GRIP1: variants seen among roughly 807,000 people sequenced by gnomAD.
The protein encoded by GRIP1 is glutamate receptor-interacting protein 1.
In GRIP1, 45 loss-of-function variants were observed where a neutral mutation model predicts 129.9. The observed-to-expected ratio is 0.35, with a 90% confidence interval of 0.27 to 0.44. The LOEUF (loss-of-function observed/expected upper bound fraction) is 0.44, where lower values mean the gene tolerates loss of function less well. Among genes scored for constraint, GRIP1 ranks in the 20% least tolerant of loss-of-function variants. GRIP1 has a pLI of 1.00. For synonymous variants in GRIP1, 530 were observed against 520.8 expected, an observed-to-expected ratio of 1.02 and a Z score of -0.24; for missense variants, 1,196 against 1,396.8, an observed-to-expected ratio of 0.86 and a Z score of 2.29.
intron 2 of GRIP1, among the ~76,000 whole-genome samples, chr12:66,549,274 T>G (rs2062047747): frequency 6.6e-6 from 1 of 152,074 alleles, no homozygotes; most frequent in Non-Finnish European, 1.5e-5. Flanking sequence ...CAAACAGAAT[T>G]ATTGCTGGAC....
rs146203310 is a variant in GRIP1, at chr12:66,834,295, G to A, written c.58+234755C>T. 8.0e-4 allele frequency among the ~76,000 whole-genome samples: 122 copies of A among 151,680 alleles called. 1 individual carries two copies. Among genetic ancestry groups the A allele is most frequent in the African/African-American group, 2.8e-3 (115 of 41,330 alleles). ...AGGCTTTGAGACATTACCTTCCCACGTGTTACACAGTTACTGAGTGGCAAA... is the reference window on the plus strand; with the variant it reads ...AGGCTTTGAGACATTACCTTCCCACATGTTACACAGTTACTGAGTGGCAAA... On this transcript the variant is annotated intron_variant, in intron 1 of 1. Transcript: ENST00000643019.
chr12:66,900,681 G>T (rs924822), intron 1 of GRIP1, among the ~76,000 whole-genome samples: 10,107 of 152,260 alleles, frequency 0.066, 467 homozygotes, highest in East Asian at 0.26. Context: ...GGAGGAAGAA[G>T]GGAAGGGCCA....
At chr12:66,870,395 T>C (rs994525538) in intron 1 of GRIP1, among the ~76,000 whole-genome samples, 2 of 152,168 alleles carry the variant, frequency 1.3e-5, no homozygotes, top group Non-Finnish European at 2.9e-5. Flanking sequence ...TGTTTGGTAA[T>C]GTTATGTGTT....
chr12:66,918,396 C>T (rs1197448380), intron 1 of GRIP1, among the ~76,000 whole-genome samples: 1 of 152,164 alleles, frequency 6.6e-6, no homozygotes, highest in African/African-American at 2.4e-5. Context: ...TTTTCTCAGT[C>T]AGCCAATTCA....
At chr12:66,412,157 T>C (rs2057424886) in intron 15 of GRIP1, among the ~76,000 whole-genome samples, 1 of 151,906 alleles carries the variant, frequency 6.6e-6, no homozygotes, top group African/African-American at 2.4e-5. Context: ...CAGGAGAAGA[T>C]CAACCCCAAG....
intron 1 of GRIP1, among the ~76,000 whole-genome samples, chr12:66,723,239 T>TTCCTTCCTTCCTTC (rs1555230330): frequency 3.4e-4 from 8 of 23,596 alleles, no homozygotes; most frequent in Admixed American, 5.5e-4. Context: ...TCTCTCTCTC[T>TTCCTTCCTTCCTTC]CTTCCTTCCT....
intron 1 of GRIP1, among the ~76,000 whole-genome samples, chr12:66,945,322 T>C (rs2041650515): frequency 1.3e-5 from 2 of 152,208 alleles, no homozygotes; most frequent in South Asian, 4.1e-4. Context: ...CAAAAACATT[T>C]ATGTAACTGC....
At chr12:66,892,580 A>T (rs139697949) in intron 1 of GRIP1, among the ~76,000 whole-genome samples, 4 of 128,100 alleles carry the variant, frequency 3.1e-5, no homozygotes, top group Admixed American at 8.4e-5. Context: ...TCATTTACTC[A>T]CTTATATATA....
intron 1 of GRIP1, among the ~76,000 whole-genome samples, chr12:66,781,313 G>A (rs1489819834): frequency 6.6e-6 from 1 of 152,054 alleles, no homozygotes; most frequent in Non-Finnish European, 1.5e-5. Flanking sequence ...CTGTGCCAGG[G>A]GAAGTCTGTT....
chr12:66,804,205 G>A (rs749756659), upstream of GRIP1: 12 of 450,128 alleles, frequency 2.7e-5, no homozygotes, highest in East Asian at 4.2e-4. Flanking sequence ...ACCGTGCAGC[G>A]CGGCACAGCT....
intron 1 of GRIP1, among the ~76,000 whole-genome samples, chr12:66,855,781 G>A (rs2039992245): frequency 6.6e-6 from 1 of 151,974 alleles, no homozygotes; most frequent in African/African-American, 2.4e-5. Flanking sequence ...TGCCACAACA[G>A]TGTTCTCCAA....
intron 1 of GRIP1, among the ~76,000 whole-genome samples, chr12:66,762,438 C>A (rs1311417781): frequency 6.6e-6 from 1 of 152,134 alleles, no homozygotes; most frequent in African/African-American, 2.4e-5. Context: ...ATTAGTCTTC[C>A]TTTCCCTCTT....
intron 1 of GRIP1, among the ~76,000 whole-genome samples, chr12:67,040,084 C>A (rs1364267641): frequency 6.6e-6 from 1 of 152,166 alleles, no homozygotes; most frequent in Admixed American, 6.6e-5. Flanking sequence ...ACGCTGCTTT[C>A]GTCTTAGAAA....
chr12:66,348,335 T>A lies in GRIP1; in HGVS notation c.*684A>T, dbSNP rs1426547954. On this transcript the variant is annotated 3_prime_UTR_variant, in exon 25 of 25. Transcript: ENST00000359742. ...GAGATTTTCAGCTATTAAAAATGTG[T>A]CCTTAAAAAAAAAACAGGTCACAAG... 1.3e-5 allele frequency: 2 copies of A among 151,266 alleles called. No homozygotes were observed. The highest frequency in any genetic ancestry group is 2.9e-5 in the Non-Finnish European group (2 of 67,852). The allele number at this position is 151,266 out of a possible 1,614,324, so 9.4% of individuals were successfully genotyped here.
intron 23 of GRIP1, among the ~76,000 whole-genome samples, chr12:66,371,470 A>T (rs2055492575): frequency 6.6e-6 from 1 of 152,160 alleles, no homozygotes; most frequent in Non-Finnish European, 1.5e-5. Context: ...CCATAAATAC[A>T]TTTTTGATAA....
chr12:66,795,240 G>T (rs2038661119), intron 1 of GRIP1, among the ~76,000 whole-genome samples: 1 of 152,164 alleles, frequency 6.6e-6, no homozygotes, highest in African/African-American at 2.4e-5. Context: ...TTTAGAATCA[G>T]CAAGGATGCC....
intron 1 of GRIP1, among the ~76,000 whole-genome samples, chr12:66,620,418 T>C (rs2065216477): frequency 6.6e-6 from 1 of 152,106 alleles, no homozygotes; most frequent in South Asian, 2.1e-4. Flanking sequence ...CAGCCATGAG[T>C]GGAGCAATGA....
chr12:66,445,379 T>G lies in GRIP1; in HGVS notation c.1484A>C (p.Glu495Ala). ...IQLQGSVFATETLSSPPLISY... is the reference protein window; with the variant it reads ...IQLQGSVFATATLSSPPLISY... Reference sequence around the variant, plus strand: ...AATCAGAGGTGGAGAAGAGAGAGTTTCTGTGGCAAACACACTGCCCTGCAG... The same window carrying G: ...AATCAGAGGTGGAGAAGAGAGAGTTGCTGTGGCAAACACACTGCCCTGCAG... The change falls in exon 12 of 25, where the codon GAA (glutamate) becomes GCA (alanine). Residue 495 changes from glutamate to alanine, a missense_variant. By Grantham distance (107) the Glu-to-Ala change is moderately radical (BLOSUM62 -1). Around this residue, in one of 5 missense-constraint regions of GRIP1, gnomAD observed 508 missense variants for 587.0 expected, o/e 0.87. Coordinates refer to ENST00000359742, the MANE Select transcript of GRIP1 (RefSeq NM_001366722.1). The G allele has an allele frequency of 6.2e-7, 1 of 1,614,224 alleles. No individual in the cohort carries two copies. The highest frequency in any genetic ancestry group is 8.5e-7 in the Non-Finnish European group (1 of 1,180,022).
chr12:66,952,352 G>A (rs2041771538), intron 1 of GRIP1, among the ~76,000 whole-genome samples: 1 of 152,138 alleles, frequency 6.6e-6, no homozygotes, highest in Admixed American at 6.5e-5. Context: ...ATATTTTGAG[G>A]TTATCAGAGA....
Sources: gnomAD v4.1 joint callset for allele counts (sites outside exome capture counted in the v4.1 genomes callset) on GRCh38, gnomAD v4.1.1 for gene constraint, gnomAD v4.1.1 regional missense constraint, MANE v1.5 for transcripts, NCBI Gene and HGNC (gene_info 2026-07-23, HGNC 2026-07-21) for gene names.